NDEL1: variants seen among roughly 807,000 people sequenced by gnomAD.
NDEL1 encodes nuclear distribution protein nudE-like 1.
A neutral mutation model predicts 45.7 loss-of-function variants in NDEL1; 9 were observed. The ratio of observed to expected loss-of-function variants is 0.20; its 90% CI spans 0.12 to 0.34. The LOEUF is 0.34. Among genes scored for constraint, NDEL1 ranks in the 10% least tolerant of loss-of-function variants. The probability of loss-of-function intolerance (pLI) is 1.00; values close to 1 mark genes in which losing one functional copy is unlikely to be tolerated. For missense variants in NDEL1, 306 were observed against 406.2 expected (o/e 0.75, Z 2.12); for synonymous variants, 133 against 158.6 (o/e 0.84, Z 1.21).
At chr17:8,436,978 C>A (rs1300806071) in intron 1 of NDEL1, among the ~76,000 whole-genome samples, 1 of 152,154 alleles carries the variant, frequency 6.6e-6, no homozygotes, top group Non-Finnish European at 1.5e-5. Context: ...AGCTACAAAA[C>A]AAGGCAGAAA....
At chr17:8,462,330 G>A (rs773789951) in intron 8 of NDEL1, among the ~76,000 whole-genome samples, 8 of 152,178 alleles carry the variant, frequency 5.3e-5, no homozygotes, top group Non-Finnish European at 1.0e-4. Context: ...TTGTGTATGC[G>A]CACTGAAATA....
rs1567747736 is a variant in NDEL1, at chr17:8,468,045, T to C, written c.*1022T>C. The C allele has an allele frequency of 1.3e-5, 2 of 152,676 alleles. No individual in the cohort carries two copies. The highest frequency in any genetic ancestry group is 2.4e-5 in the African/African-American group (1 of 41,462). 9.5% of individuals were successfully genotyped at this position (152,676 alleles called of 1,614,324 possible). On this transcript the variant is annotated 3_prime_UTR_variant, in exon 9 of 9. Transcript: ENST00000334527. ...ATTCAGAACGCATACGGCATGTTAA[T>C]GACTCTGATGGTGTCCTCCTCTGGG...
chr17:8,438,744 A>G (rs1350933665), intron 1 of NDEL1, among the ~76,000 whole-genome samples: 1 of 151,900 alleles, frequency 6.6e-6, no homozygotes, highest in Non-Finnish European at 1.5e-5. Flanking sequence ...TTGAAGTTCC[A>G]GGCTCAACTG....
At chr17:8,427,122 C>A (rs887721704) in intron 1 of NDEL1, among the ~76,000 whole-genome samples, 1 of 152,198 alleles carries the variant, frequency 6.6e-6, no homozygotes, top group African/African-American at 2.4e-5. Flanking sequence ...CTACCCAATT[C>A]CAGCCTTTCT....
chr17:8,443,756 A>C (rs1909908149), intron 1 of NDEL1, among the ~76,000 whole-genome samples: 1 of 152,052 alleles, frequency 6.6e-6, no homozygotes, highest in African/African-American at 2.4e-5. Flanking sequence ...GTTTTTAGAG[A>C]TTTGATAATA....
At chr17:8,461,316 G>A (rs1327846222) in intron 8 of NDEL1, 1 of 152,090 alleles carries the variant, frequency 6.6e-6, no homozygotes, top group Non-Finnish European at 1.5e-5. Context: ...TTTTACCCTG[G>A]AGAATATACA....
intron 1 of NDEL1, among the ~76,000 whole-genome samples, chr17:8,426,199 A>G (rs1425082587): frequency 2.6e-5 from 4 of 152,228 alleles, no homozygotes; most frequent in Non-Finnish European, 4.4e-5. Context: ...GTGCTATGCC[A>G]GGCATCTAGA....
intron 1 of NDEL1, among the ~76,000 whole-genome samples, chr17:8,417,399 G>C (rs1035596883): frequency 7.2e-5 from 11 of 152,090 alleles, no homozygotes; most frequent in Admixed American, 2.6e-4. Flanking sequence ...TGAACCTATG[G>C]ATTATATTGA....
chr17:8,437,803 C>T lies in NDEL1; in HGVS notation c.-13+1758C>T, dbSNP rs529357264. ...CCTTGTAAATAAAAGGCATTTTGGA[C>T]AGGCTGTTTTAAACTCAAATGAGTT... On this transcript the variant is annotated intron_variant, in intron 1 of 8. Transcript: ENST00000334527. 8.5e-5 allele frequency among the ~76,000 whole-genome samples: 13 copies of T among 152,214 alleles called. No homozygotes were observed. In the South Asian group the frequency reaches 2.3e-3, roughly 27 times the overall value.
chr17:8,419,819 G>A (rs956984613), intron 1 of NDEL1, among the ~76,000 whole-genome samples: 12 of 152,168 alleles, frequency 7.9e-5, no homozygotes, highest in Non-Finnish European at 1.8e-4. Flanking sequence ...TGATCGGGAA[G>A]GGTCATTCTG....
intron 1 of NDEL1, among the ~76,000 whole-genome samples, chr17:8,422,015 C>T (rs1044026367): frequency 3.3e-5 from 5 of 152,142 alleles, no homozygotes; most frequent in Admixed American, 3.3e-4. Context: ...ACAAAATCAG[C>T]TGGGATGGCG....
At chr17:8,422,670 G>A (rs761274915) in intron 1 of NDEL1, among the ~76,000 whole-genome samples, 39 of 152,034 alleles carry the variant, frequency 2.6e-4, no homozygotes, top group African/African-American at 3.9e-4. Context: ...AAGTCCCGTC[G>A]CCTAATTTTC....
chr17:8,434,344 G>A (rs1909115569), upstream of NDEL1, among the ~76,000 whole-genome samples: 1 of 152,202 alleles, frequency 6.6e-6, no homozygotes, highest in Admixed American at 6.5e-5. Flanking sequence ...AGCCTCCGGA[G>A]TAGCTAGGAT....
chr17:8,460,427 G>A (rs772073343), intron 8 of NDEL1, among the ~76,000 whole-genome samples: 1 of 152,132 alleles, frequency 6.6e-6, no homozygotes, highest in Non-Finnish European at 1.5e-5. Context: ...GAGTCAAAAT[G>A]ACTGCGATAA....
chr17:8,417,582 G>T (rs1908583182), intron 1 of NDEL1, among the ~76,000 whole-genome samples: 1 of 152,192 alleles, frequency 6.6e-6, no homozygotes, highest in South Asian at 2.1e-4. Flanking sequence ...CCTGGTTGTT[G>T]GATCTCTGTG....
chr17:8,445,741 A>T lies in NDEL1; in HGVS notation c.117A>T (p.Glu39Asp). Residue 39 changes from glutamate to aspartate, a missense_variant, in exon 3 of 9, where the codon GAA (glutamate) becomes GAT (aspartate). Transcript: ENST00000334527. ...SFQEARDELV[E>D]FQEGSRELEA... ...AGGAAGCTCGGGATGAGCTAGTTGA[A>T]TTCCAGGAAGGAAGCAGAGAATTAG... 2 of 1,597,398 alleles carry T rather than the reference A, an allele frequency of 1.3e-6. No individual in the cohort carries two copies. Among genetic ancestry groups the T allele is most frequent in the Non-Finnish European group, 1.7e-6 (2 of 1,174,110 alleles).
At chr17:8,444,182 G>A in intron 1 of NDEL1, 78 bp from the exon 2 acceptor site, 1 of 885,882 alleles carries the variant, frequency 1.1e-6, no homozygotes, top group South Asian at 1.4e-5. Context: ...CTGCAGTTCA[G>A]TGTTGTCCCA....
At chr17:8,452,660 T>C (rs1910578887) in intron 6 of NDEL1, among the ~76,000 whole-genome samples, 1 of 151,744 alleles carries the variant, frequency 6.6e-6, no homozygotes, top group African/African-American at 2.4e-5. Flanking sequence ...CCTTTTACAA[T>C]GTTTGTTTCT....
rs567127389 is a variant in NDEL1 at position 8,466,956 on chromosome 17, C to T, written c.971C>T (p.Pro324Leu). 5 of 1,614,236 alleles carry T rather than the reference C, an allele frequency of 3.1e-6. No homozygotes were observed. The South Asian group carries it at 4.4e-5, about 14-fold the overall frequency. The change falls in exon 9 of 9, where the codon CCT (proline) becomes CTT (leucine). Residue 324 changes from proline to leucine, a missense_variant. Physicochemically the swap from Pro to Leu is moderately conservative, Grantham distance 98. Around this residue, in one of 3 missense-constraint regions of NDEL1, gnomAD observed 175 missense variants for 205.2 expected, o/e 0.85. Transcript: ENST00000334527. The part of the protein sequence containing the change: ...KGAVNGFDPA[P>L]PPPGLGSSRP... The stretch of plus-strand genomic sequence containing the variant: ...GCAGTAAACGGCTTTGACCCCGCTC[C>T]TCCTCCTCCTGGTCTGGGCTCCTCG...
Sources: gnomAD v4.1 joint callset for allele counts (sites outside exome capture counted in the v4.1 genomes callset) on GRCh38, gnomAD v4.1.1 for gene constraint, gnomAD v4.1.1 regional missense constraint, MANE v1.5 for transcripts, NCBI Gene and HGNC (gene_info 2026-07-23, HGNC 2026-07-21) for gene names.